The following FREM3 variants were observed in gnomAD, a reference collection of about 807,000 sequenced individuals.
The protein encoded by FREM3 is FRAS1-related extracellular matrix protein 3.
FREM3 carries 105 observed loss-of-function variants against 129.1 expected under a neutral mutation model. That is an observed-to-expected ratio of 0.81 (90% CI 0.69 to 0.96). The LOEUF is 0.96. Among genes scored for constraint, FREM3 ranks in the 40% least tolerant of loss-of-function variants. The pLI is 0.00. For synonymous variants in FREM3, 1,014 were observed against 1,044.9 expected, an observed-to-expected ratio of 0.97 and a Z score of 0.57; for missense variants, 2,593 against 2,666.3, an observed-to-expected ratio of 0.97 and a Z score of 0.61.
rs1165547007 is a variant in FREM3 at position 143,699,256 on chromosome 4, T to C, written c.1420A>G (p.Arg474Gly). 1.3e-6 allele frequency: 2 copies of C among 1,537,176 alleles called. No homozygotes were observed. The highest frequency in any genetic ancestry group is 1.7e-6 in the Non-Finnish European group (2 of 1,146,930). Residue 474 changes from arginine (R) to glycine (G), a missense_variant, in exon 1 of 8, where the codon AGG (arginine) becomes GGG (glycine). Coordinates refer to ENST00000329798, the MANE Select transcript of FREM3 (RefSeq NM_001168235.2). The surrounding 1 kb of genome is among the most constrained non-coding windows in gnomAD (Gnocchi z 4.2). ...NLEEVKMAAVRGLRHGQLVVF... is the reference protein window; with the variant it reads ...NLEEVKMAAVGGLRHGQLVVF... The stretch of plus-strand genomic sequence containing the variant: ...ACCAGCTGCCCATGTCTCAAGCCCC[T>C]GACTGCAGCCATTTTCACCTCTTCC...
chr4:143,577,475 A>G lies in FREM3; in HGVS notation c.*136T>C. The G allele has an allele frequency of 1.3e-6, 1 of 789,188 alleles. No homozygotes were observed. The highest frequency in any genetic ancestry group is 1.9e-5 in the South Asian group (1 of 51,790). The allele number at this position is 789,188 out of a possible 1,614,324, so 48.9% of individuals were successfully genotyped here. On this transcript the variant is annotated 3_prime_UTR_variant, in exon 8 of 8. Coordinates refer to ENST00000329798, the MANE Select transcript of FREM3 (RefSeq NM_001168235.2). ...ATGCAGTCATATAAATTACATTTCC[A>G]CATATCACCAGAATATAACACCAAT... is the stretch of plus-strand genomic sequence containing the variant.
chr4:143,631,078 A>G (rs1251207743), intron 2 of FREM3, among the ~76,000 whole-genome samples: 1 of 152,158 alleles, frequency 6.6e-6, no homozygotes, highest in Non-Finnish European at 1.5e-5. Context: ...CTATGAAGCA[A>G]CACAAATCAG....
intron 2 of FREM3, among the ~76,000 whole-genome samples, chr4:143,632,226 G>A (rs1419123395): frequency 6.6e-6 from 1 of 152,048 alleles, no homozygotes; most frequent in African/African-American, 2.4e-5. Flanking sequence ...TTGTTCTTGT[G>A]TAGCTTACTT....
Position 143,695,650 on chromosome 4 carries a change from T to C in FREM3, c.5026A>G (p.Thr1676Ala). The change falls in exon 1 of 8, where the codon ACT (threonine) becomes GCT (alanine). Residue 1676 changes from threonine to alanine, a missense_variant. Transcript: ENST00000329798. ...RGAPALKRLH[T>A]GHMGFLITSK... is the part of the protein sequence containing the mutation. ...GTAATCAGGAAGCCCATGTGTCCAG[T>C]GTGAAGGCGCTTCAAGGCTGGGGCA... 6.5e-7 allele frequency: 1 copy of C among 1,537,224 alleles called. No homozygotes were observed. The highest frequency in any genetic ancestry group is 8.7e-7 in the Non-Finnish European group (1 of 1,146,908).
chr4:143,696,666 G>A lies in FREM3; in HGVS notation c.4010C>T (p.Ser1337Leu), dbSNP rs1740574871. 6.5e-7 allele frequency: 1 copy of A among 1,537,854 alleles called. No individual in the cohort carries two copies. Among genetic ancestry groups the A allele is most frequent in the Non-Finnish European group, 8.7e-7 (1 of 1,147,038 alleles). ...GACAAAACTGAGGCTTTTATCATCT[G>A]AGTCAAGATCTGTGGCCTTGAGGAT... is the stretch of plus-strand genomic sequence containing the variant. Reference protein sequence around the residue: ...NRILKATDLDSDDKSLSFVLH... With the variant: ...NRILKATDLDLDDKSLSFVLH... The change falls in exon 1 of 8, where the codon TCA (serine) becomes TTA (leucine). Residue 1337 changes from serine to leucine, a missense_variant. Ser to Leu is a moderately radical substitution (Grantham distance 145, BLOSUM62 -2). Coordinates refer to ENST00000329798, the MANE Select transcript of FREM3 (RefSeq NM_001168235.2).
At chr4:143,594,676 G>GA (rs1237339322) in intron 6 of FREM3, among the ~76,000 whole-genome samples, 7 of 152,218 alleles carry the variant, frequency 4.6e-5, no homozygotes, top group Non-Finnish European at 7.4e-5. Flanking sequence ...GTTGTTTAGA[G>GA]AAAAAAATGT....
chr4:143,687,177 C>A (rs1213369875), intron 2 of FREM3, among the ~76,000 whole-genome samples: 1 of 151,968 alleles, frequency 6.6e-6, no homozygotes, highest in South Asian at 2.1e-4. Context: ...GTACAACTGA[C>A]AACACTGAAA....
intron 5 of FREM3, among the ~76,000 whole-genome samples, chr4:143,619,449 T>G (rs1045166184): frequency 6.6e-6 from 1 of 152,186 alleles, no homozygotes; most frequent in Non-Finnish European, 1.5e-5. Flanking sequence ...AGAATGAACC[T>G]GGCCAGTAAC....
At chr4:143,692,103 T>TA (rs1740482486) in intron 2 of FREM3, among the ~76,000 whole-genome samples, 1 of 152,132 alleles carries the variant, frequency 6.6e-6, no homozygotes, top group Admixed American at 6.5e-5. Context: ...TAATTTTTTT[T>TA]AAAAAGAACA....
Position 143,611,543 on chromosome 4 carries a change from A to G in FREM3, c.5780-16T>C, listed in dbSNP as rs145310584. ...GTGGCAGAACCTACAGAAATATGAG[A>G]AGGAACAGGGAGGTTAAGAAGAAAT... is the stretch of plus-strand genomic sequence containing the variant. On this transcript the variant is annotated splice_polypyrimidine_tract_variant and intron_variant, in intron 5 of 7. Transcript: ENST00000329798. The G allele has an allele frequency of 1.7e-3, 2,579 of 1,535,824 alleles. 44 individuals carry two copies. In the African/African-American group the frequency reaches 0.031, roughly 19 times the overall value.
At chr4:143,598,486 ACAG>A (rs1738520696) in intron 6 of FREM3, among the ~76,000 whole-genome samples, 1 of 152,112 alleles carries the variant, frequency 6.6e-6, no homozygotes, top group Non-Finnish European at 1.5e-5. Context: ...GTGCTCAGTG[ACAG>A]GTGACACAGA....
At chr4:143,607,574 A>C (rs1179124850) in intron 6 of FREM3, among the ~76,000 whole-genome samples, 2 of 152,180 alleles carry the variant, frequency 1.3e-5, no homozygotes, top group Non-Finnish European at 2.9e-5. Flanking sequence ...AGTTAGGTTG[A>C]GAATCCTTGA....
intron 5 of FREM3, among the ~76,000 whole-genome samples, chr4:143,616,717 C>T (rs1323856421): frequency 6.6e-6 from 1 of 151,138 alleles, no homozygotes; most frequent in African/African-American, 2.5e-5. Flanking sequence ...GGCGTGAACC[C>T]GGGAGGCGGA....
chr4:143,666,250 A>G (rs1310769890), intron 2 of FREM3, among the ~76,000 whole-genome samples: 1 of 152,176 alleles, frequency 6.6e-6, no homozygotes, highest in African/African-American at 2.4e-5. Context: ...TAGGATATGC[A>G]AAAACCAATT....
Position 143,696,337 on chromosome 4 carries a change from T to C in FREM3, c.4339A>G (p.Asn1447Asp). Residue 1447 changes from asparagine (N) to aspartate (D), a missense_variant, in exon 1 of 8, where the codon AAT becomes GAT. By Grantham distance (23) the Asn-to-Asp change is conservative (BLOSUM62 1). Coordinates refer to ENST00000329798, the MANE Select transcript of FREM3 (RefSeq NM_001168235.2). The part of the protein sequence containing the change: ...IEGARVTLTN[N>D]LLTNSDINSS... ...TTGATGTCACTGTTGGTAAGCAGATTGTTGGTAAGGGTCACTCTGGCACCT... is the reference window on the plus strand; with the variant it reads ...TTGATGTCACTGTTGGTAAGCAGATCGTTGGTAAGGGTCACTCTGGCACCT... 6.5e-7 allele frequency: 1 copy of C among 1,537,376 alleles called. No individual in the cohort carries two copies. The highest frequency in any genetic ancestry group is 8.7e-7 in the Non-Finnish European group (1 of 1,146,940).
intron 2 of FREM3, among the ~76,000 whole-genome samples, chr4:143,661,643 G>A (rs1739725980): frequency 6.6e-6 from 1 of 152,032 alleles, no homozygotes; most frequent in Non-Finnish European, 1.5e-5. Context: ...TCTATTGATT[G>A]GAATAGTTTC....
In FREM3 at chr4:143,697,653, G is replaced by C; in HGVS notation, c.3023C>G (p.Thr1008Ser). Residue 1008 changes from threonine (T) to serine (S), a missense_variant, in exon 1 of 8, where the codon ACC becomes AGC. Physicochemically the swap from Thr to Ser is moderately conservative, Grantham distance 58. Transcript: ENST00000329798. ...TCTCCCATTGATGAGATCCTCTTGG[G>C]TGAATCGTTCTGTGGGCAAACCATT... is the stretch of plus-strand genomic sequence containing the variant. ...LVNGLPTERF[T>S]QEDLINGRVA... The C allele has an allele frequency of 6.5e-7, 1 of 1,537,884 alleles. No individual in the cohort carries two copies. Among genetic ancestry groups the C allele is most frequent in the Non-Finnish European group, 8.7e-7 (1 of 1,147,056 alleles).
At chr4:143,674,707 C>A (rs7438647) in intron 2 of FREM3, among the ~76,000 whole-genome samples, 74,684 of 151,802 alleles carry the variant, frequency 0.49, 18,902 homozygotes, top group East Asian at 0.73. Flanking sequence ...ATCTACCAAG[C>A]AAATGGAAAA....
At chr4:143,683,338 C>T (rs1370577053) in intron 2 of FREM3, among the ~76,000 whole-genome samples, 1 of 152,178 alleles carries the variant, frequency 6.6e-6, no homozygotes, top group Non-Finnish European at 1.5e-5. Flanking sequence ...GGAGAGTCCC[C>T]CCCAAACTGT....
Sources: gnomAD v4.1 joint callset for allele counts (sites outside exome capture counted in the v4.1 genomes callset) on GRCh38, gnomAD v4.1.1 for gene constraint, Gnocchi (gnomAD v3.1) non-coding constraint, MANE v1.5 for transcripts, NCBI Gene and HGNC (gene_info 2026-07-23, HGNC 2026-07-21) for gene names.